Variants in CSMD3 observed in about 807,000 individuals in gnomAD.
CSMD3 encodes CUB and sushi domain-containing protein 3.
In CSMD3, 177 loss-of-function variants were observed where a neutral mutation model predicts 435.2. The observed-to-expected ratio is 0.41, with a 90% CI of 0.36 to 0.46. The LOEUF (loss-of-function observed/expected upper bound fraction) is 0.46. CSMD3 is among the 20% of genes least tolerant of loss of function. CSMD3 has a pLI of 0.34. For missense variants in CSMD3, 4,265 were observed against 4,504.6 expected, an observed-to-expected ratio of 0.95 and a Z score of 1.52; for synonymous variants, 1,656 against 1,520.5, an observed-to-expected ratio of 1.09 and a Z score of -2.07.
At chr8:113,408,959 A>G (rs960421639) in intron 1 of CSMD3, among the ~76,000 whole-genome samples, 1 of 152,042 alleles carries the variant, frequency 6.6e-6, no homozygotes, top group African/African-American at 2.4e-5. Context: ...TTGATGGCTA[A>G]TGCCCAGCCT....
chr8:112,464,345 T>C (rs541134554), intron 32 of CSMD3, among the ~76,000 whole-genome samples: 1 of 152,100 alleles, frequency 6.6e-6, no homozygotes, highest in South Asian at 2.1e-4. Flanking sequence ...ATGGCACCTA[T>C]GTGGAACAAC....
intron 35 of CSMD3, among the ~76,000 whole-genome samples, chr8:112,400,730 T>G (rs1048845447): frequency 2.0e-5 from 3 of 152,202 alleles, no homozygotes; most frequent in Non-Finnish European, 4.4e-5. Context: ...GCTACTGTAC[T>G]TGCTAAGATA....
chr8:112,316,369 T>A (rs1822463163), intron 47 of CSMD3, among the ~76,000 whole-genome samples: 1 of 151,616 alleles, frequency 6.6e-6, no homozygotes, highest in Non-Finnish European at 1.5e-5. Context: ...TCAAAAAATT[T>A]AAAAATACAT....
In CSMD3 at chr8:113,055,568, A is replaced by C. The variant is rs149816017; in HGVS notation, c.918-36389T>G. On this transcript the variant is annotated intron_variant, in intron 5 of 70. Transcript: ENST00000297405. Reference sequence around the variant, plus strand: ...TCTCATGTCTATAACTGTAATCCTAAATTTTCCCTTGAGCTTCAGACTTGT... The same window carrying C: ...TCTCATGTCTATAACTGTAATCCTACATTTTCCCTTGAGCTTCAGACTTGT... Among the ~76,000 whole-genome samples, 500 of 152,232 alleles carry C rather than the reference A, an allele frequency of 3.3e-3. 3 individuals are homozygous for C. Among genetic ancestry groups the C allele is most frequent in the African/African-American group, 0.01 (430 of 41,556 alleles).
chr8:112,888,242 T>C (rs1161255292), intron 10 of CSMD3, among the ~76,000 whole-genome samples: 1 of 151,610 alleles, frequency 6.6e-6, no homozygotes, highest in Admixed American at 6.6e-5. Context: ...GTGTTTCCTG[T>C]AGGTCATTCT....
chr8:112,580,538 G>GAA lies in CSMD3; in HGVS notation c.3885+6526_3885+6527dup, dbSNP rs5894089. Among the ~76,000 whole-genome samples the GAA allele has an allele frequency of 1.2e-3, 173 of 142,980 alleles. 1 individual carries two copies. Among genetic ancestry groups the GAA allele is most frequent in the South Asian group, 1.6e-3 (7 of 4,498 alleles). The allele number at this position is 142,980 out of a possible 152,430, so 93.8% of individuals were successfully genotyped here. A position where few individuals can be genotyped will look rare whatever the true frequency, so the allele number is the denominator to read the frequency against. The stretch of plus-strand genomic sequence containing the variant: ...AAACATGCTTGCAGAAAAGAGGTAG[G>GAA]AAAAAAAAAAAAAAAGATACTGGGG... On this transcript the variant is annotated intron_variant, in intron 23 of 70. Coordinates refer to ENST00000297405, the MANE Select transcript of CSMD3 (RefSeq NM_198123.2).
At position 113,105,869 on chromosome 8, in the gene CSMD3, T is replaced by G. The variant is rs138115944; in HGVS notation, c.710-6906A>C. Among the ~76,000 whole-genome samples the G allele has an allele frequency of 8.1e-3, 893 of 110,614 alleles. 9 individuals carry two copies. Among genetic ancestry groups the G allele is most frequent in the African/African-American group, 0.033 (786 of 24,132 alleles). 72.6% of individuals were successfully genotyped at this position (110,614 alleles called of 152,430 possible). On this transcript the variant is annotated intron_variant, in intron 4 of 70. Transcript: ENST00000297405. ...ACTAAATATCTTAAAATTCACAATGTTCAATATACAGTTAAAAAAAAAAGT... is the reference window on the plus strand; with the variant it reads ...ACTAAATATCTTAAAATTCACAATGGTCAATATACAGTTAAAAAAAAAAGT...
chr8:113,253,449 TTGAC>T (rs2093351613), intron 3 of CSMD3, among the ~76,000 whole-genome samples: 1 of 151,968 alleles, frequency 6.6e-6, no homozygotes, highest in Non-Finnish European at 1.5e-5. Context: ...TCATTACAAA[TTGAC>T]TTTTTAAATT....
intron 32 of CSMD3, among the ~76,000 whole-genome samples, chr8:112,442,548 C>T (rs1032691245): frequency 2.6e-5 from 4 of 152,170 alleles, no homozygotes; most frequent in African/African-American, 9.6e-5. Context: ...TTTTCTTTTA[C>T]TTTTACTTCT....
intron 6 of CSMD3, among the ~76,000 whole-genome samples, chr8:113,017,174 T>C (rs961895076): frequency 7.9e-5 from 12 of 151,960 alleles, no homozygotes; most frequent in Non-Finnish European, 1.6e-4. Context: ...ATAAAACACA[T>C]CTTTTCCATT....
At chr8:112,540,883 A>G (rs145756867) in intron 27 of CSMD3, among the ~76,000 whole-genome samples, 4 of 152,142 alleles carry the variant, frequency 2.6e-5, no homozygotes, top group Non-Finnish European at 5.9e-5. Context: ...GTTAATAAGA[A>G]TTTATTTTAT....
In CSMD3 at chr8:113,403,596, T is replaced by A. The variant is rs151120955; in HGVS notation, c.178+33081A>T. ...AGTAATAAAGCATGATTGCTTTCTG[T>A]GATTATGAAATTCTAAAGGGAAAGC... is the stretch of plus-strand genomic sequence containing the variant. On this transcript the variant is annotated intron_variant, in intron 1 of 70. Coordinates refer to ENST00000297405, the MANE Select transcript of CSMD3 (RefSeq NM_198123.2). Among the ~76,000 whole-genome samples the A allele has an allele frequency of 1.7e-3, 258 of 151,528 alleles. 1 individual carries two copies. Among genetic ancestry groups the A allele is most frequent in the South Asian group, 0.011 (53 of 4,830 alleles).
At chr8:113,379,395 C>T (rs919653719) in intron 1 of CSMD3, among the ~76,000 whole-genome samples, 5 of 152,046 alleles carry the variant, frequency 3.3e-5, no homozygotes, top group Admixed American at 3.3e-4. Flanking sequence ...TAATATTCCA[C>T]AAGGCATATA....
chr8:112,595,788 TA>T (rs1165338902), intron 22 of CSMD3, among the ~76,000 whole-genome samples: 1 of 103,978 alleles, frequency 9.6e-6, no homozygotes, highest in Non-Finnish European at 1.9e-5. Flanking sequence ...GAAGGAGAAA[TA>T]AAATACTTTA....
chr8:113,372,927 C>T (rs2094355793), intron 1 of CSMD3, among the ~76,000 whole-genome samples: 1 of 126,466 alleles, frequency 7.9e-6, no homozygotes, highest in East Asian at 2.3e-4. Flanking sequence ...GGCGACAGAG[C>T]GAGACTCCGT....
chr8:112,852,574 T>A (rs943287430), intron 11 of CSMD3, among the ~76,000 whole-genome samples: 2 of 152,064 alleles, frequency 1.3e-5, no homozygotes, highest in Admixed American at 1.3e-4. Flanking sequence ...GAAATTTGAA[T>A]GAAAATAATT....
intron 67 of CSMD3, among the ~76,000 whole-genome samples, chr8:112,236,246 T>C (rs1245120678): frequency 6.6e-6 from 1 of 151,898 alleles, no homozygotes; most frequent in African/African-American, 2.4e-5. Context: ...GTTATATCTA[T>C]ACAGACAAGA....
chr8:112,882,915 T>C (rs749334634), intron 10 of CSMD3, among the ~76,000 whole-genome samples: 10 of 151,972 alleles, frequency 6.6e-5, no homozygotes, highest in African/African-American at 2.2e-4. Flanking sequence ...CTGAATCAGA[T>C]CTCTCAAAAT....
At chr8:113,407,427 TG>T (rs1342880377) in intron 1 of CSMD3, among the ~76,000 whole-genome samples, 1 of 152,150 alleles carries the variant, frequency 6.6e-6, no homozygotes, top group Non-Finnish European at 1.5e-5. Flanking sequence ...GTACCCATGA[TG>T]AGGTACATAA....
Sources: allele counts gnomAD v4.1 joint callset (sites outside exome capture counted in the v4.1 genomes callset), GRCh38; gene constraint gnomAD v4.1.1; transcripts MANE v1.5; gene names NCBI Gene and HGNC (gene_info 2026-07-23, HGNC 2026-07-21).